Variants in TRPM2 observed in about 807,000 individuals in gnomAD.
TRPM2 encodes the protein transient receptor potential cation channel subfamily M member 2.
A neutral mutation model predicts 174.0 loss-of-function variants in TRPM2; 161 were observed. The observed-to-expected ratio is 0.93, with a 90% confidence interval of 0.81 to 1.05. The LOEUF (loss-of-function observed/expected upper bound fraction) is 1.05. Ranked by LOEUF, TRPM2 falls within the 50% of genes least tolerant of loss-of-function variation. TRPM2 has a pLI of 0.00. For missense variants in TRPM2, 2,057 were observed against 2,038.0 expected, an observed-to-expected ratio of 1.01 and a Z score of -0.18; for synonymous variants, 954 against 861.3, an observed-to-expected ratio of 1.11 and a Z score of -1.88.
chr21:44,378,978 AC>A lies in TRPM2; in HGVS notation c.1015-14del. 6.3e-7 allele frequency: 1 copy of A among 1,598,836 alleles called. No homozygotes were observed. ...GGTGAGGACCCAGTCCCGGGCTCAC[AC>A]CCCCACCTGCCTTGCAGACCATCGA... On this transcript the variant is annotated intron_variant, in intron 7 of 31. Coordinates refer to ENST00000397928, the MANE Select transcript of TRPM2 (RefSeq NM_003307.4).
intron 28 of TRPM2, among the ~76,000 whole-genome samples, chr21:44,436,785 A>T (rs895285222): frequency 4.6e-5 from 7 of 152,044 alleles, no homozygotes; most frequent in African/African-American, 1.7e-4. Flanking sequence ...GTCAAAGGGC[A>T]GGTACCTCTC....
Position 44,376,356 on chromosome 21 carries a change from G to C in TRPM2, c.952+343G>C, listed in dbSNP as rs190155423. ...TGCCCATTTTAGCCAGTGGGAGGGC[G>C]GTCTGGGGGGCTGGCAGCTCACCTG... On this transcript the variant is annotated intron_variant, in intron 6 of 31. Transcript: ENST00000397928. This position sits in a 1 kb window ranked among gnomAD's most constrained non-coding sequence, Gnocchi z 4.2. 1.3e-5 allele frequency among the ~76,000 whole-genome samples: 2 copies of C among 152,184 alleles called. No homozygotes were observed. Among genetic ancestry groups the C allele is most frequent in the Non-Finnish European group, 2.9e-5 (2 of 68,034 alleles).
rs1354758323 is a variant in TRPM2, at chr21:44,367,705, C to T, written c.604+771C>T. ...CGGATGGGCCTAGAGTCACCCTGCT[C>T]TTCCTGGGGTCTGGGGTCTGGTCTT... On this transcript the variant is annotated intron_variant, in intron 4 of 31. Transcript: ENST00000397928. The surrounding 1 kb of genome is among the most constrained non-coding windows in gnomAD (Gnocchi z 4.6). 6.6e-6 allele frequency among the ~76,000 whole-genome samples: 1 copy of T among 152,250 alleles called. No homozygotes were observed. Among genetic ancestry groups the T allele is most frequent in the Non-Finnish European group, 1.5e-5 (1 of 68,040 alleles).
intron 29 of TRPM2, 86 bp downstream of exon 29, chr21:44,437,253 A>G: frequency 7.7e-7 from 1 of 1,301,476 alleles, no homozygotes; most frequent in Non-Finnish European, 1.1e-6. Flanking sequence ...CGGACTGGAC[A>G]CCAGCCCCCT....
At chr21:44,414,110 G>A in intron 20 of TRPM2, 36 bp downstream of exon 20, 1 of 1,593,768 alleles carries the variant, frequency 6.3e-7, no homozygotes, top group South Asian at 1.1e-5. Flanking sequence ...GCAGGTGGGT[G>A]GGTGGGCGGC....
intron 22 of TRPM2, among the ~76,000 whole-genome samples, chr21:44,421,295 G>A (rs964744716): frequency 6.6e-6 from 1 of 151,846 alleles, no homozygotes; most frequent in Admixed American, 6.6e-5. Context: ...TCCAGCCTGG[G>A]CGACAGAGCA....
chr21:44,405,131 C>CT lies in TRPM2; in HGVS notation c.2539-9dup. The CT allele has an allele frequency of 6.2e-7, 1 of 1,612,852 alleles. No individual in the cohort carries two copies. Reference sequence around the variant, plus strand: ...ACCTGTCTGCCTTCCTACCGCCCCTCTTCCCAGTAGCTCTTCTATGACCCT... The same window carrying CT: ...ACCTGTCTGCCTTCCTACCGCCCCTCTTTCCCAGTAGCTCTTCTATGACCCT... On this transcript the variant is annotated splice_polypyrimidine_tract_variant and intron_variant, in intron 16 of 31. Transcript: ENST00000397928.
chr21:44,419,772 GGTGGTGATGGTA>G (rs1458297327), intron 22 of TRPM2, among the ~76,000 whole-genome samples: 10 of 148,324 alleles, frequency 6.7e-5, no homozygotes, highest in East Asian at 2.0e-4. Context: ...TGGTGGTGGT[GGTGGTGATGGTA>G]GTGGTGGTGA....
Position 44,430,725 on chromosome 21 carries a change from G to A in TRPM2, c.3974+3614G>A, listed in dbSNP as rs1345686138. Reference sequence around the variant, plus strand: ...ATTACAGGCGTGAGCCACCGCGCCCGGCCGAGCAAGTGGATTTCTAACTAC... The same window carrying A: ...ATTACAGGCGTGAGCCACCGCGCCCAGCCGAGCAAGTGGATTTCTAACTAC... On this transcript the variant is annotated intron_variant, in intron 27 of 31. Coordinates refer to ENST00000397928, the MANE Select transcript of TRPM2 (RefSeq NM_003307.4). 5.2e-4 allele frequency among the ~76,000 whole-genome samples: 4 copies of A among 7,732 alleles called. 2 individuals carry two copies. Among genetic ancestry groups the A allele is most frequent in the Non-Finnish European group, 1.1e-3 (4 of 3,614 alleles). The allele number at this position is 7,732 out of a possible 152,430, so 5.1% of individuals were successfully genotyped here.
At chr21:44,369,424 G>C in intron 5 of TRPM2, 81 bp downstream of exon 5, 1 of 1,508,806 alleles carries the variant, frequency 6.6e-7, no homozygotes, top group Non-Finnish European at 8.9e-7. Flanking sequence ...GGAGCAGGTG[G>C]AGTGTACGGG....
chr21:44,404,598 CGTG>C (rs2049795767), intron 16 of TRPM2, among the ~76,000 whole-genome samples: 1 of 152,094 alleles, frequency 6.6e-6, no homozygotes, highest in Admixed American at 6.6e-5. Context: ...ATTTGCTGAC[CGTG>C]ATGATAGTGA....
Position 44,399,431 on chromosome 21 carries a change from G to A in TRPM2, c.2198G>A (p.Gly733Glu). The stretch of plus-strand genomic sequence containing the variant: ...AAGGACATGAAGTTTGTGTCTCACG[G>A]GGGCATCCAGGTGACCTCCCAAGAG... ...EAKDMKFVSH[G>E]GIQAFLTKVW... is the part of the protein sequence containing the mutation. Residue 733 changes from glycine to glutamate, a missense_variant, in exon 14 of 32, where the codon GGG (glycine) becomes GAG (glutamate). By Grantham distance (98) the Gly-to-Glu change is moderately conservative (BLOSUM62 -2). Transcript: ENST00000397928. This position sits in a 1 kb window ranked among gnomAD's most constrained non-coding sequence, Gnocchi z 4.6. 1 of 1,611,552 alleles carries A rather than the reference G, an allele frequency of 6.2e-7. No homozygotes were observed. Among genetic ancestry groups the A allele is most frequent in the Non-Finnish European group, 8.5e-7 (1 of 1,179,212 alleles).
chr21:44,379,302 C>A, intron 8 of TRPM2, 105 bp downstream of exon 8: 1 of 1,379,852 alleles, frequency 7.2e-7, no homozygotes. Flanking sequence ...GGAGAACCCA[C>A]TGGGTCTGAG....
chr21:44,394,074 T>A (rs2049263413), intron 11 of TRPM2, among the ~76,000 whole-genome samples: 1 of 152,142 alleles, frequency 6.6e-6, no homozygotes, highest in African/African-American at 2.4e-5. Flanking sequence ...TTTCACCATG[T>A]TGGCCAGGCT....
chr21:44,358,374 A>G (rs1162889108), intron 2 of TRPM2, among the ~76,000 whole-genome samples: 1 of 140,806 alleles, frequency 7.1e-6, no homozygotes, highest in Non-Finnish European at 1.5e-5. Context: ...GTGGGGAGGC[A>G]GGGAGCCCCC....
intron 2 of TRPM2, among the ~76,000 whole-genome samples, chr21:44,363,018 T>G (rs11910268): frequency 6.6e-6 from 1 of 152,210 alleles, no homozygotes; most frequent in Admixed American, 6.5e-5. Context: ...GTGATCCACC[T>G]GCCTCAGCTT....
chr21:44,391,743 T>G lies in TRPM2; in HGVS notation c.1794+118T>G. 1.0e-6 allele frequency: 1 copy of G among 989,942 alleles called. No individual in the cohort carries two copies. Among genetic ancestry groups the G allele is most frequent in the African/African-American group, 1.6e-5 (1 of 60,842 alleles). The allele number at this position is 989,942 out of a possible 1,614,324, so 61.3% of individuals were successfully genotyped here. ...TTTATTAGAAAAGACACATGCTCTA[T>G]CTTAGGCTGCTTGGGCTGCTGTAAC... On this transcript the variant is annotated intron_variant, in intron 11 of 31. Transcript: ENST00000397928. The surrounding 1 kb of genome is among the most constrained non-coding windows in gnomAD (Gnocchi z 5.0).
chr21:44,417,799 G>C (rs1175293673), intron 20 of TRPM2, 128 bp from the exon 21 acceptor site: 2 of 953,838 alleles, frequency 2.1e-6, no homozygotes, highest in African/African-American at 3.3e-5. Flanking sequence ...TGCTCTCTGT[G>C]GCATCACAGT....
At chr21:44,390,792 ATTG>A (rs2049148820) in intron 9 of TRPM2, 109 bp from the exon 10 acceptor site, 2 of 1,453,478 alleles carry the variant, frequency 1.4e-6, no homozygotes, top group Admixed American at 1.8e-5. Context: ...GTCACTTTGA[ATTG>A]TTGAGAGGCA....
Sources: allele counts gnomAD v4.1 joint callset (sites outside exome capture counted in the v4.1 genomes callset), GRCh38; gene constraint gnomAD v4.1.1; non-coding constraint Gnocchi (gnomAD v3.1); transcripts MANE v1.5; gene names NCBI Gene and HGNC (gene_info 2026-07-23, HGNC 2026-07-21).